The following SLC13A5 variants were observed in gnomAD, a reference collection of about 807,000 sequenced individuals.
The protein encoded by SLC13A5 is Na(+)/citrate cotransporter.
A neutral mutation model predicts 56.5 loss-of-function variants in SLC13A5; 25 were observed. That is an observed-to-expected ratio of 0.44 (90% CI 0.32 to 0.62). The LOEUF is 0.62. Ranked by LOEUF, SLC13A5 falls within the 20% of genes least tolerant of loss-of-function variation. The probability of loss-of-function intolerance (pLI) is 0.04; values close to 1 mark genes in which losing one functional copy is unlikely to be tolerated. For synonymous variants in SLC13A5, 307 were observed against 301.5 expected (o/e 1.02, Z -0.19); for missense variants, 649 against 737.8 (o/e 0.88, Z 1.39).
chr17:6,696,167 G>A (rs1319236301), intron 6 of SLC13A5, among the ~76,000 whole-genome samples: 2 of 152,156 alleles, frequency 1.3e-5, no homozygotes, highest in Non-Finnish European at 2.9e-5. Flanking sequence ...AGAGGGTCTC[G>A]GCAGGTGCCC....
intron 11 of SLC13A5, 57 bp from the exon 12 acceptor site, chr17:6,686,395 G>A (rs1000920206): frequency 1.4e-5 from 23 of 1,609,576 alleles, no homozygotes; most frequent in Non-Finnish European, 1.7e-5. Context: ...TGCTCTCAGA[G>A]AGGAGGACAA....
intron 9 of SLC13A5, among the ~76,000 whole-genome samples, chr17:6,691,569 C>G (rs913592532): frequency 2.0e-5 from 3 of 152,160 alleles, no homozygotes; most frequent in African/African-American, 7.2e-5. Context: ...ACTCCTGTTT[C>G]AGGGAGAACA....
At position 6,686,546 on chromosome 17, in the gene SLC13A5, A is replaced by T. The variant is rs1458942368; in HGVS notation, c.1576-208T>A. The T allele has an allele frequency of 5.2e-6, 3 of 581,252 alleles. No individual in the cohort carries two copies. The South Asian group carries it at 6.1e-5, about 12-fold the overall frequency. The allele number at this position is 581,252 out of a possible 1,614,324, so 36.0% of individuals were successfully genotyped here. On this transcript the variant is annotated intron_variant, in intron 11 of 11. Coordinates refer to ENST00000433363, the MANE Select transcript of SLC13A5 (RefSeq NM_177550.5). ...CATCCCTGGGAAGTAGGCAGAGTGG[A>T]TGGGTTCTCTATGCCCGTGCGCATT...
In SLC13A5 at chr17:6,698,026, AG is replaced by A. The variant is rs1284426426; in HGVS notation, c.840-2086del. On this transcript the variant is annotated intron_variant, in intron 6 of 11. Transcript: ENST00000433363. ...GGTCCATGAGGCCACAAAGGCAGGC[AG>A]GGACCACCAGGTCTTAGTTTGTGGC... 2.0e-5 allele frequency among the ~76,000 whole-genome samples: 3 copies of A among 152,224 alleles called. No individual in the cohort carries two copies. In the East Asian group the frequency reaches 5.8e-4, roughly 29 times the overall value.
chr17:6,707,594 A>C (rs1169680649), intron 1 of SLC13A5, among the ~76,000 whole-genome samples: 2 of 152,174 alleles, frequency 1.3e-5, no homozygotes, highest in Admixed American at 6.5e-5. Flanking sequence ...GAAGGAGAAG[A>C]AGAATAAAAT....
At chr17:6,706,309 A>G (rs774439889) in intron 3 of SLC13A5, among the ~76,000 whole-genome samples, 2 of 152,118 alleles carry the variant, frequency 1.3e-5, no homozygotes, top group Non-Finnish European at 2.9e-5. Flanking sequence ...ATCCTATCAG[A>G]CACAGCTTGA....
At chr17:6,697,420 C>T (rs988990713) in intron 6 of SLC13A5, among the ~76,000 whole-genome samples, 4 of 152,188 alleles carry the variant, frequency 2.6e-5, no homozygotes, top group African/African-American at 9.6e-5. Flanking sequence ...ACAGTGGTAC[C>T]GCCAAGCCTT....
In SLC13A5 at chr17:6,692,223, G is replaced by A. The variant is rs1231507453; in HGVS notation, c.1275+821C>T. 2.0e-5 allele frequency among the ~76,000 whole-genome samples: 3 copies of A among 147,602 alleles called. No individual in the cohort carries two copies. Among genetic ancestry groups the A allele is most frequent in the African/African-American group, 7.7e-5 (3 of 39,120 alleles). Reference sequence around the variant, plus strand: ...TGGGTGGATAGATAGATGGGTGGATGGATGGACAGATGGATGGATGGATGG... The same window carrying A: ...TGGGTGGATAGATAGATGGGTGGATAGATGGACAGATGGATGGATGGATGG... On this transcript the variant is annotated intron_variant, in intron 9 of 11. Transcript: ENST00000433363. The surrounding 1 kb of genome is among the most constrained non-coding windows in gnomAD (Gnocchi z 5.5).
intron 4 of SLC13A5, 152 bp from the exon 5 acceptor site, chr17:6,703,290 A>T (rs964138818): frequency 2.0e-6 from 2 of 976,426 alleles, no homozygotes; most frequent in African/African-American, 3.3e-5. Context: ...GCTGGCAGGG[A>T]TGTGCCCGAT....
Position 6,685,953 on chromosome 17 carries a change from CAAGGCTTGGGA to C in SLC13A5, c.*243_*253del. 2.0e-6 allele frequency: 1 copy of C among 503,066 alleles called. No homozygotes were observed. Among genetic ancestry groups the C allele is most frequent in the Non-Finnish European group, 3.6e-6 (1 of 280,002 alleles). 31.2% of individuals were successfully genotyped at this position (503,066 alleles called of 1,614,324 possible). On this transcript the variant is annotated 3_prime_UTR_variant, in exon 12 of 12. Coordinates refer to ENST00000433363, the MANE Select transcript of SLC13A5 (RefSeq NM_177550.5). This position sits in a 1 kb window ranked among gnomAD's most constrained non-coding sequence, Gnocchi z 4.2. ...CTGGCCTCCCTCACAGAGATAATGGCAAGGCTTGGGAAAGATGGGTCCAGCAGCCCACTGAG... is the reference window on the plus strand; with the variant it reads ...CTGGCCTCCCTCACAGAGATAATGGCAAGATGGGTCCAGCAGCCCACTGAG...
chr17:6,704,354 C>A (rs770629570), intron 3 of SLC13A5: 1 of 519,152 alleles, frequency 1.9e-6, no homozygotes, highest in Non-Finnish European at 3.7e-6. Flanking sequence ...TTCTAAGGAG[C>A]ACCCCTGCCC....
At position 6,710,995 on chromosome 17, in the gene SLC13A5, A is replaced by C. The variant is rs550211746; in HGVS notation, c.102+2237T>G. On this transcript the variant is annotated intron_variant, in intron 1 of 11. Transcript: ENST00000433363. Reference sequence around the variant, plus strand: ...AATTAAAAAAAGACCCAGAGGAAGGATAGAGAGAGTGGAGCAGAGATGAGG... The same window carrying C: ...AATTAAAAAAAGACCCAGAGGAAGGCTAGAGAGAGTGGAGCAGAGATGAGG... 7.3e-4 allele frequency among the ~76,000 whole-genome samples: 111 copies of C among 152,202 alleles called. 2 individuals are homozygous for C. The South Asian group carries it at 0.022, about 30-fold the overall frequency.
chr17:6,695,990 G>C, intron 6 of SLC13A5, 49 bp from the exon 7 acceptor site: 1 of 1,561,114 alleles, frequency 6.4e-7, no homozygotes, highest in Non-Finnish European at 8.8e-7. Context: ...GGTTGGCTCA[G>C]GTGCTGGTCA....
chr17:6,700,442 T>C (rs955608195), intron 6 of SLC13A5, among the ~76,000 whole-genome samples: 1 of 152,248 alleles, frequency 6.6e-6, no homozygotes, highest in Non-Finnish European at 1.5e-5. Context: ...ACAGAGCGTA[T>C]GCGCTCAGCT....
At position 6,687,641 on chromosome 17, in the gene SLC13A5, A is replaced by G. The variant is rs587777578; in HGVS notation, c.1463T>C (p.Leu488Pro). ...SMSRSIGLNP[L>P]YIMLPCTLSA... ...CAGGGTACAGGGCAGCATGATGTAC[A>G]GCGGATTGAGGCCGATGGAGCGAGA... The change falls in exon 11 of 12, where the codon CTG becomes CCG. Residue 488 changes from leucine (L) to proline (P), a missense_variant. Physicochemically the swap from Leu to Pro is moderately conservative, Grantham distance 98. Transcript: ENST00000433363. The surrounding 1 kb of genome is among the most constrained non-coding windows in gnomAD (Gnocchi z 5.0). 1.2e-6 allele frequency: 2 copies of G among 1,608,668 alleles called. No homozygotes were observed. The highest frequency in any genetic ancestry group is 1.7e-6 in the Non-Finnish European group (2 of 1,177,904).
intron 5 of SLC13A5, 115 bp downstream of exon 5, chr17:6,702,855 G>T: frequency 3.0e-6 from 4 of 1,348,720 alleles, no homozygotes; most frequent in Non-Finnish European, 4.0e-6. Flanking sequence ...CCCAGGCCAG[G>T]TCTGGCTGCC....
chr17:6,696,075 G>T lies in SLC13A5; in HGVS notation c.840-134C>A, dbSNP rs116715176. 4.7e-3 allele frequency: 3,446 copies of T among 739,726 alleles called. 76 individuals are homozygous for T. Among genetic ancestry groups the T allele is most frequent in the African/African-American group, 0.045 (2,527 of 56,546 alleles). The allele number at this position is 739,726 out of a possible 1,614,324, so 45.8% of individuals were successfully genotyped here. A position where few individuals can be genotyped will look rare whatever the true frequency, so the allele number is the denominator to read the frequency against. ...GCTGTCCTCGCCTGCTATGGGGCCTGGAGAAAGGCCCTTCCTGCCTCTTTC... is the reference window on the plus strand; with the variant it reads ...GCTGTCCTCGCCTGCTATGGGGCCTTGAGAAAGGCCCTTCCTGCCTCTTTC... On this transcript the variant is annotated intron_variant, in intron 6 of 11. Coordinates refer to ENST00000433363, the MANE Select transcript of SLC13A5 (RefSeq NM_177550.5).
At chr17:6,696,100 C>T (rs1451538555) in intron 6 of SLC13A5, among the ~76,000 whole-genome samples, 159 bp from the exon 7 acceptor site, 1 of 152,210 alleles carries the variant, frequency 6.6e-6, no homozygotes, top group Non-Finnish European at 1.5e-5. Flanking sequence ...CTGCCTCTTT[C>T]CCTCTCCTGT....
At position 6,690,795 on chromosome 17, in the gene SLC13A5, G is replaced by T. The variant is rs763693656; in HGVS notation, c.1421C>A (p.Pro474His). The change falls in exon 10 of 12, where the codon CCC becomes CAC. Residue 474 changes from proline to histidine, a missense_variant. Pro to His is a moderately conservative substitution (Grantham distance 77). Coordinates refer to ENST00000433363, the MANE Select transcript of SLC13A5 (RefSeq NM_177550.5). ...SNVATTTLFL[P>H]IFASMSRSIG... ...GTTACTTACCATGGAGGCAAAGATG[G>T]GCAGGAACAAGGTGGTGGTGGCCAC... 3.1e-6 allele frequency: 5 copies of T among 1,614,170 alleles called. No homozygotes were observed. The highest frequency in any genetic ancestry group is 4.2e-6 in the Non-Finnish European group (5 of 1,180,022).
Sources: allele counts gnomAD v4.1 joint callset (sites outside exome capture counted in the v4.1 genomes callset), GRCh38; gene constraint gnomAD v4.1.1; non-coding constraint Gnocchi (gnomAD v3.1); transcripts MANE v1.5; gene names NCBI Gene and HGNC (gene_info 2026-07-23, HGNC 2026-07-21).